CLYBL: variants seen among roughly 807,000 people sequenced by gnomAD.
CLYBL encodes the protein citramalyl-CoA lyase, mitochondrial.
Under a neutral mutation model 38.9 loss-of-function variants are expected in CLYBL, and 31 were observed. The observed-to-expected ratio is 0.80, with a 90% CI of 0.60 to 1.08. The LOEUF (loss-of-function observed/expected upper bound fraction) is 1.08, where lower values mean the gene tolerates loss of function less well. Among genes scored for constraint, CLYBL ranks in the 50% least tolerant of loss-of-function variants. The pLI is 0.00. For missense variants in CLYBL, 434 were observed against 411.6 expected (o/e 1.05, Z -0.47); for synonymous variants, 171 against 158.6 (o/e 1.08, Z -0.59).
intron 1 of CLYBL, among the ~76,000 whole-genome samples, chr13:99,617,257 G>GTT (rs1343670896): frequency 6.6e-6 from 1 of 151,778 alleles, no homozygotes; most frequent in Non-Finnish European, 1.5e-5. Context: ...TGTGTTTACT[G>GTT]TTTAACTCAC....
rs191542305 is a variant in CLYBL at position 99,751,866 on chromosome 13, G to A, written c.63-20958G>A. On this transcript the variant is annotated intron_variant, in intron 1 of 8. Coordinates refer to ENST00000339105, the MANE Select transcript of CLYBL (RefSeq NM_206808.5). Reference sequence around the variant, plus strand: ...TACAAAAATAGTAGTGTTTCACATGGTGGGGAGTATAAAATGATAGCCTAT... The same window carrying A: ...TACAAAAATAGTAGTGTTTCACATGATGGGGAGTATAAAATGATAGCCTAT... 3.5e-4 allele frequency among the ~76,000 whole-genome samples: 53 copies of A among 152,308 alleles called. No individual in the cohort carries two copies. In the East Asian group the frequency reaches 0.01, roughly 29 times the overall value.
chr13:99,841,524 C>T (rs188614482), intron 2 of CLYBL, among the ~76,000 whole-genome samples: 12 of 151,086 alleles, frequency 7.9e-5, no homozygotes, highest in Middle Eastern at 3.5e-3. Context: ...CTCAGCCTCG[C>T]GAGTAGCTGG....
At chr13:99,614,609 G>A (rs1009161689) in intron 1 of CLYBL, among the ~76,000 whole-genome samples, 5 of 152,098 alleles carry the variant, frequency 3.3e-5, no homozygotes, top group African/African-American at 9.7e-5. Context: ...CAGCTGTGCC[G>A]TGCCTGCTGA....
intron 1 of CLYBL, among the ~76,000 whole-genome samples, chr13:99,752,185 C>T (rs1467074193): frequency 7.9e-5 from 12 of 152,106 alleles, no homozygotes; most frequent in Non-Finnish European, 1.6e-4. Flanking sequence ...TTGGTGAAGC[C>T]GACGGAGAGC....
chr13:99,664,676 G>A (rs1183268740), intron 1 of CLYBL, among the ~76,000 whole-genome samples: 3 of 152,152 alleles, frequency 2.0e-5, no homozygotes, highest in Non-Finnish European at 4.4e-5. Context: ...TGCCAGCTTT[G>A]TATTGCCAGA....
intron 2 of CLYBL, among the ~76,000 whole-genome samples, chr13:99,795,381 T>C (rs1452622266): frequency 6.6e-6 from 1 of 152,178 alleles, no homozygotes; most frequent in East Asian, 1.9e-4. Flanking sequence ...GGGCCAGGGA[T>C]AGTGGCTCAC....
At chr13:99,689,179 C>A (rs1349461388) in intron 1 of CLYBL, among the ~76,000 whole-genome samples, 1 of 152,222 alleles carries the variant, frequency 6.6e-6, no homozygotes, top group African/African-American at 2.4e-5. Flanking sequence ...CTTACAGAAT[C>A]TTTGACATTT....
At chr13:99,791,993 G>A (rs548758294) in intron 2 of CLYBL, among the ~76,000 whole-genome samples, 154 of 152,230 alleles carry the variant, frequency 1.0e-3, no homozygotes, top group African/African-American at 2.9e-3. Flanking sequence ...CCAGAAAAAC[G>A]CCACTTTTCC....
exon 10 of CLYBL, among the ~76,000 whole-genome samples, chr13:99,908,147 A>G (rs1247954024): frequency 6.6e-6 from 1 of 152,200 alleles, no homozygotes; most frequent in Non-Finnish European, 1.5e-5. Flanking sequence ...AGGAGTAGAG[A>G]GAATGTTTGA....
intron 1 of CLYBL, among the ~76,000 whole-genome samples, chr13:99,686,141 T>G (rs775924688): frequency 1.3e-5 from 2 of 152,100 alleles, no homozygotes; most frequent in Non-Finnish European, 2.9e-5. Context: ...TCCCGGGAAT[T>G]TGTGTGGAGC....
In CLYBL at chr13:99,637,962, C is replaced by CTTT. The variant is rs34513643; in HGVS notation, c.62+31222_62+31224dup. Among the ~76,000 whole-genome samples, 10 of 95,000 alleles carry CTTT rather than the reference C, an allele frequency of 1.1e-4. 1 individual carries two copies. The highest frequency in any genetic ancestry group is 1.4e-4 in the Admixed American group (1 of 7,060). The allele number at this position is 95,000 out of a possible 152,430, so 62.3% of individuals were successfully genotyped here. ...ATCTAGTTATCCAAGTCAACAGTGC[C>CTTT]TTTTTTTTTTTTTTTTTTTGAGACA... is the stretch of plus-strand genomic sequence containing the variant. On this transcript the variant is annotated intron_variant, in intron 1 of 8. Transcript: ENST00000339105.
At chr13:99,887,862 T>G (rs1220351691) in intron 7 of CLYBL, among the ~76,000 whole-genome samples, 1 of 152,028 alleles carries the variant, frequency 6.6e-6, no homozygotes. Flanking sequence ...TTGGGGTTTT[T>G]TTTTTTTTTT....
At chr13:99,627,048 AAAAG>A (rs2046880204) in intron 1 of CLYBL, among the ~76,000 whole-genome samples, 2 of 151,654 alleles carry the variant, frequency 1.3e-5, no homozygotes, top group African/African-American at 4.9e-5. Context: ...GAATCTGAAA[AAAAG>A]TGCATAAAAA....
chr13:99,628,359 A>C (rs545141196), intron 1 of CLYBL, among the ~76,000 whole-genome samples: 14 of 152,280 alleles, frequency 9.2e-5, no homozygotes, highest in African/African-American at 2.6e-4. Flanking sequence ...CGGTTTCTTT[A>C]AGTGATATAG....
intron 1 of CLYBL, among the ~76,000 whole-genome samples, chr13:99,661,661 C>T (rs933641606): frequency 1.3e-5 from 2 of 152,020 alleles, no homozygotes; most frequent in African/African-American, 2.4e-5. Flanking sequence ...GTCTTTGTTA[C>T]GGAAATAGAT....
intron 2 of CLYBL, among the ~76,000 whole-genome samples, chr13:99,790,011 G>T (rs1478759748): frequency 6.6e-6 from 1 of 152,028 alleles, no homozygotes; most frequent in Non-Finnish European, 1.5e-5. Flanking sequence ...CAAAGACTAG[G>T]ATTGCAACCC....
chr13:99,647,338 A>G (rs2047191608), intron 1 of CLYBL, among the ~76,000 whole-genome samples: 1 of 152,096 alleles, frequency 6.6e-6, no homozygotes, highest in Non-Finnish European at 1.5e-5. Flanking sequence ...GGCTCTGAAA[A>G]ACCTTCTTAG....
intron 1 of CLYBL, among the ~76,000 whole-genome samples, chr13:99,635,381 G>C (rs933529591): frequency 6.6e-6 from 1 of 151,728 alleles, no homozygotes; most frequent in South Asian, 2.1e-4. Context: ...CCTGTCTTTA[G>C]CCCAGGCCTT....
chr13:99,763,548 C>CTTTTTTTTTTTTTT (rs59409196), intron 1 of CLYBL, among the ~76,000 whole-genome samples: 3 of 116,170 alleles, frequency 2.6e-5, no homozygotes, highest in Admixed American at 9.0e-5. Context: ...TCTTTTTATT[C>CTTTTTTTTTTTTTT]TTTTTTTTTT....
Sources: gnomAD v4.1 joint callset for allele counts (sites outside exome capture counted in the v4.1 genomes callset) on GRCh38, gnomAD v4.1.1 for gene constraint, MANE v1.5 for transcripts, NCBI Gene and HGNC (gene_info 2026-07-23, HGNC 2026-07-21) for gene names.